TTC6: variants seen among roughly 807,000 people sequenced by gnomAD.
The protein encoded by TTC6 is tetratricopeptide repeat domain 6, also known as tetratricopeptide repeat protein 6.
In TTC6, 172 loss-of-function variants were observed where a neutral mutation model predicts 210.4. The observed-to-expected ratio is 0.82, with a 90% CI of 0.72 to 0.93. The LOEUF is 0.93. Ranked by LOEUF, TTC6 falls within the 40% of genes least tolerant of loss-of-function variation. TTC6 has a pLI of 0.00. For missense variants in TTC6, 2,414 were observed against 2,318.1 expected (o/e 1.04, Z -0.85); for synonymous variants, 804 against 819.6 (o/e 0.98, Z 0.32).
intron 4 of TTC6, 125 bp downstream of exon 6, chr14:37,696,960 T>TA (rs2095816042): frequency 2.4e-6 from 1 of 422,324 alleles, no homozygotes; most frequent in East Asian, 3.8e-5. Context: ...AGACCTAAGT[T>TA]AAACCTTCTC....
chr14:37,823,943 G>A (rs1299830754), exon 27 of TTC6: 1 of 1,613,472 alleles, frequency 6.2e-7, no homozygotes, highest in African/African-American at 1.3e-5. Context: ...AATTAGTTTT[G>A]GCTATAATTT....
chr14:37,633,865 C>A (rs1398736946), intron 1 of TTC6, among the ~76,000 whole-genome samples: 1 of 152,180 alleles, frequency 6.6e-6, no homozygotes, highest in Non-Finnish European at 1.5e-5. Flanking sequence ...CATGCAGTAA[C>A]AAGGAGGCCC....
intron 6 of TTC6, among the ~76,000 whole-genome samples, chr14:37,719,233 GT>G (rs959184618): frequency 3.3e-5 from 5 of 152,002 alleles, no homozygotes; most frequent in Non-Finnish European, 5.9e-5. Flanking sequence ...GAGATTCCCT[GT>G]TTATAGATTG....
chr14:37,600,647 A>T (rs2095614031), intron 1 of TTC6, among the ~76,000 whole-genome samples: 3 of 152,238 alleles, frequency 2.0e-5, no homozygotes. Flanking sequence ...ACTTAGAAAG[A>T]AAATAAAAAT....
intron 6 of TTC6, among the ~76,000 whole-genome samples, chr14:37,717,113 C>A (rs2095853996): frequency 6.6e-6 from 1 of 151,108 alleles, no homozygotes; most frequent in Non-Finnish European, 1.5e-5. Context: ...TAAATGTTTT[C>A]AATAGAAAAG....
intron 2 of TTC6, among the ~76,000 whole-genome samples, chr14:37,611,667 G>C (rs1354279021): frequency 2.0e-5 from 3 of 152,080 alleles, no homozygotes; most frequent in Non-Finnish European, 4.4e-5. Flanking sequence ...AAAGAGGCTA[G>C]GAAGGAGAAA....
chr14:37,731,044 A>G (rs944525801), intron 7 of TTC6, among the ~76,000 whole-genome samples: 6 of 152,174 alleles, frequency 3.9e-5, no homozygotes, highest in Non-Finnish European at 8.8e-5. Context: ...GATTCTTGTC[A>G]TTTGTGGTAG....
chr14:37,817,146 T>C (rs2096143930), intron 25 of TTC6, among the ~76,000 whole-genome samples: 2 of 152,296 alleles, frequency 1.3e-5, no homozygotes, highest in African/African-American at 4.8e-5. Context: ...TGCCTGCTTG[T>C]CCTATAGTCA....
intron 16 of TTC6, among the ~76,000 whole-genome samples, 196 bp from the exon 19 acceptor site, chr14:37,792,068 C>G (rs993357417): frequency 2.0e-5 from 3 of 152,090 alleles, no homozygotes; most frequent in African/African-American, 7.2e-5. Flanking sequence ...AACATTAATT[C>G]CTTACTAAGG....
intron 29 of TTC6, 42 bp from the exon 32 acceptor site, chr14:37,841,403 A>G (rs760073411): frequency 6.6e-7 from 1 of 1,520,556 alleles, no homozygotes; most frequent in South Asian, 1.2e-5. Flanking sequence ...TCTGTATAGT[A>G]AGTTGCCAAT....
chr14:37,597,870 G>A (rs2095607494), intron 1 of TTC6, among the ~76,000 whole-genome samples: 1 of 152,194 alleles, frequency 6.6e-6, no homozygotes, highest in Non-Finnish European at 1.5e-5. Flanking sequence ...TGGAAGGAGA[G>A]ATGGCCGTTC....
rs540659778 is a variant in TTC6, at chr14:37,837,302, T to G, written c.5299-4143T>G. 4.9e-4 allele frequency: 203 copies of G among 412,374 alleles called. 4 individuals carry two copies. The highest frequency in any genetic ancestry group is 3.5e-3 in the South Asian group (195 of 55,994). The allele number at this position is 412,374 out of a possible 1,614,324, so 25.5% of individuals were successfully genotyped here. A position where few individuals can be genotyped will look rare whatever the true frequency, so the allele number is the denominator to read the frequency against. On this transcript the variant is annotated intron_variant, in intron 29 of 30. Coordinates refer to ENST00000553443, the Ensembl canonical transcript of TTC6. ...TTGATAATTTATTGGTGAATTAAAATGAAGTCTAAATTACTTTAGGAAGAA... is the reference window on the plus strand; with the variant it reads ...TTGATAATTTATTGGTGAATTAAAAGGAAGTCTAAATTACTTTAGGAAGAA...
intron 14 of TTC6, among the ~76,000 whole-genome samples, chr14:37,757,870 G>A (rs1000331679): frequency 6.6e-5 from 10 of 152,110 alleles, no homozygotes; most frequent in Admixed American, 6.5e-4. Flanking sequence ...AGAGATTCTG[G>A]TATGTTGCGT....
At chr14:37,727,693 T>G (rs952103741) in intron 7 of TTC6, among the ~76,000 whole-genome samples, 2 of 152,160 alleles carry the variant, frequency 1.3e-5, no homozygotes, top group South Asian at 4.1e-4. Flanking sequence ...GTACTTGACC[T>G]TATTTCAAAC....
At chr14:37,770,802 C>T (rs1156890725) in intron 14 of TTC6, among the ~76,000 whole-genome samples, 2 of 148,658 alleles carry the variant, frequency 1.3e-5, no homozygotes, top group Admixed American at 6.8e-5. Flanking sequence ...AGTCCATTTA[C>T]ATTTAAAGTT....
intron 1 of TTC6, among the ~76,000 whole-genome samples, chr14:37,639,916 GATATATCTATATATCT>G (rs146831238): frequency 4.1e-5 from 6 of 145,514 alleles, no homozygotes; most frequent in African/African-American, 1.5e-4. Flanking sequence ...AGAAAAATAA[GATATATCTATATATCT>G]ATATATCTAT....
At chr14:37,662,820 A>G (rs1374732368) in intron 1 of TTC6, among the ~76,000 whole-genome samples, 1 of 151,890 alleles carries the variant, frequency 6.6e-6, no homozygotes, top group African/African-American at 2.4e-5. Context: ...GCCCTGTAGT[A>G]TAGTTTGAAG....
Position 37,808,858 on chromosome 14 carries a change from A to G in TTC6, c.4569+12A>G. The G allele has an allele frequency of 7.5e-7, 1 of 1,335,260 alleles. No homozygotes were observed. Among genetic ancestry groups the G allele is most frequent in the Non-Finnish European group, 1.0e-6 (1 of 953,676 alleles). 82.7% of individuals were successfully genotyped at this position (1,335,260 alleles called of 1,614,324 possible). ...GGGAACTTCAAATGGTAAGATGACC[A>G]TTTTAGTAAACAATGTGTTTAAAGT... On this transcript the variant is annotated intron_variant, in intron 24 of 30. Coordinates refer to ENST00000553443, the Ensembl canonical transcript of TTC6.
chr14:37,679,156 A>G (rs1164683648), intron 1 of TTC6, among the ~76,000 whole-genome samples: 1 of 152,120 alleles, frequency 6.6e-6, no homozygotes, highest in Admixed American at 6.6e-5. Context: ...CAGGAGTTTG[A>G]GGTTACGGGG....
Sources: allele counts gnomAD v4.1 joint callset (sites outside exome capture counted in the v4.1 genomes callset), GRCh38; gene constraint gnomAD v4.1.1; transcripts MANE v1.5; gene names NCBI Gene and HGNC (gene_info 2026-07-23, HGNC 2026-07-21).